The following POC1A variants were observed in gnomAD, a reference collection of about 807,000 sequenced individuals.
POC1A encodes the protein POC1 centriolar protein A.
Under a neutral mutation model 47.8 loss-of-function variants are expected in POC1A, and 34 were observed. The ratio of observed to expected loss-of-function variants is 0.71; its 90% confidence interval spans 0.54 to 0.95. The LOEUF (loss-of-function observed/expected upper bound fraction) is 0.95, where lower values mean the gene tolerates loss of function less well. Ranked by LOEUF, POC1A falls within the 40% of genes least tolerant of loss-of-function variation. The pLI is 0.00. For synonymous variants in POC1A, 177 were observed against 207.6 expected, an observed-to-expected ratio of 0.85 and a Z score of 1.27; for missense variants, 466 against 528.3, an observed-to-expected ratio of 0.88 and a Z score of 1.16.
At chr3:52,080,664 C>T (rs1409942858) in intron 10 of POC1A, among the ~76,000 whole-genome samples, 4 of 152,256 alleles carry the variant, frequency 2.6e-5, no homozygotes, top group Admixed American at 6.5e-5. Flanking sequence ...ACAAGAACCT[C>T]CTCCTGGATG....
chr3:52,148,285 G>A (rs372350459), intron 4 of POC1A, among the ~76,000 whole-genome samples: 95 of 152,310 alleles, frequency 6.2e-4, no homozygotes, highest in African/African-American at 2.2e-3. Context: ...CTGATCTCAG[G>A]ACCCTAGTCA....
rs745977339 is a variant in POC1A, at chr3:52,147,020, C to T, written c.531G>A (p.Arg177=). ...KTVKLWDKSS[R]ECVHSYCEHG... Reference sequence around the variant, plus strand: ...GCTCACAATACGAGTGGACACATTCCCGGCTGCTCTTGTCCCACAGCTTAA... The same window carrying T: ...GCTCACAATACGAGTGGACACATTCTCGGCTGCTCTTGTCCCACAGCTTAA... Residue 177 remains arginine, a synonymous_variant, in exon 5 of 11, where the codon CGG becomes CGA. Transcript: ENST00000296484. 3 of 1,614,034 alleles carry T rather than the reference C, an allele frequency of 1.9e-6. No homozygotes were observed. Among genetic ancestry groups the T allele is most frequent in the African/African-American group, 2.7e-5 (2 of 74,926 alleles).
chr3:52,095,899 G>A (rs1422732160), intron 10 of POC1A, among the ~76,000 whole-genome samples: 2 of 152,228 alleles, frequency 1.3e-5, no homozygotes, highest in South Asian at 2.1e-4. Flanking sequence ...GCTACACTAC[G>A]AGCCTGTGTT....
chr3:52,100,307 C>T (rs1437649843), intron 9 of POC1A, among the ~76,000 whole-genome samples: 2 of 152,218 alleles, frequency 1.3e-5, no homozygotes, highest in Non-Finnish European at 2.9e-5. Context: ...CTGGAGTTGA[C>T]TTCTTGAGAG....
At chr3:52,129,455 G>C (rs1216681566) in intron 7 of POC1A, among the ~76,000 whole-genome samples, 1 of 152,186 alleles carries the variant, frequency 6.6e-6, no homozygotes, top group Non-Finnish European at 1.5e-5. Context: ...ACTTGGGGCA[G>C]GGATATTGCC....
At chr3:52,123,833 T>G (rs1381500897) in intron 8 of POC1A, among the ~76,000 whole-genome samples, 2 of 152,252 alleles carry the variant, frequency 1.3e-5, no homozygotes. Context: ...CTATGTCATT[T>G]GATTCTACCA....
At position 52,075,732 on chromosome 3, in the gene POC1A, T is replaced by A. The variant is rs1449672988; in HGVS notation, c.*155A>T. On this transcript the variant is annotated 3_prime_UTR_variant, in exon 11 of 11. Transcript: ENST00000296484. ...CAGGTGGAGAGCCTCCTGGTGCAGA[T>A]AGCAAGGTGGAGGGCAGAACTGCAA... 4.0e-5 allele frequency: 26 copies of A among 645,764 alleles called. No homozygotes were observed. The highest frequency in any genetic ancestry group is 7.1e-5 in the Non-Finnish European group (25 of 350,472). 40.0% of individuals were successfully genotyped at this position (645,764 alleles called of 1,614,324 possible).
At chr3:52,124,819 CA>C (rs1703934490) in intron 8 of POC1A, among the ~76,000 whole-genome samples, 1 of 152,076 alleles carries the variant, frequency 6.6e-6, no homozygotes, top group Non-Finnish European at 1.5e-5. Context: ...ACTAAAAAAC[CA>C]ACTTTTCACG....
intron 10 of POC1A, among the ~76,000 whole-genome samples, chr3:52,082,032 C>T (rs557767205): frequency 2.0e-5 from 3 of 152,142 alleles, no homozygotes; most frequent in Admixed American, 2.0e-4. Context: ...ATTACACAGG[C>T]TGAGTATGAG....
At chr3:52,110,438 G>A (rs554138797) in intron 9 of POC1A, among the ~76,000 whole-genome samples, 1 of 152,276 alleles carries the variant, frequency 6.6e-6, no homozygotes, top group Non-Finnish European at 1.5e-5. Context: ...TTAAGCGACA[G>A]GTTTATTTCT....
chr3:52,119,313 G>A lies in POC1A; in HGVS notation c.981+3066C>T, dbSNP rs79648816. On this transcript the variant is annotated intron_variant, in intron 9 of 10. Transcript: ENST00000296484. ...GGTCAGCTTCTTTTCTGGGCTCCCC[G>A]CTGAGGCAAGACTTATTGCAGTGAT... Among the ~76,000 whole-genome samples, 1,081 of 151,970 alleles carry A rather than the reference G, an allele frequency of 7.1e-3. 34 individuals are homozygous for A. Among genetic ancestry groups the A allele is most frequent in the Admixed American group, 0.064 (972 of 15,266 alleles).
At chr3:52,122,146 G>A (rs1057168916) in intron 9 of POC1A, among the ~76,000 whole-genome samples, 1 of 152,186 alleles carries the variant, frequency 6.6e-6, no homozygotes, top group African/African-American at 2.4e-5. Context: ...CACAGGCCTG[G>A]GGCACCCGGC....
chr3:52,151,120 A>C lies in POC1A; in HGVS notation c.19-20T>G. ...GTCCTCCTGAGAGAGAGCCAGGGTC[A>C]AATGTGTGAAGCCTGGGTGAGGAAG... On this transcript the variant is annotated intron_variant, in intron 1 of 10. Transcript: ENST00000296484. The C allele has an allele frequency of 6.2e-7, 1 of 1,613,032 alleles. No individual in the cohort carries two copies. Among genetic ancestry groups the C allele is most frequent in the Non-Finnish European group, 8.5e-7 (1 of 1,179,406 alleles).
chr3:52,083,389 C>T lies in POC1A; in HGVS notation c.1126-7404G>A, dbSNP rs1702362455. On this transcript the variant is annotated intron_variant, in intron 10 of 10. Transcript: ENST00000296484. ...CTGCACCTCACACCCCGTGGAGTGACGTACAGTCCCTCATGCCCACTTTCT... is the reference window on the plus strand; with the variant it reads ...CTGCACCTCACACCCCGTGGAGTGATGTACAGTCCCTCATGCCCACTTTCT... 2.0e-5 allele frequency among the ~76,000 whole-genome samples: 3 copies of T among 152,110 alleles called. No homozygotes were observed. The South Asian group carries it at 6.2e-4, about 32-fold the overall frequency.
At chr3:52,103,567 T>C (rs779387941) in intron 9 of POC1A, among the ~76,000 whole-genome samples, 1 of 152,120 alleles carries the variant, frequency 6.6e-6, no homozygotes, top group East Asian at 1.9e-4. Flanking sequence ...CCTAAAACTA[T>C]AAAACTGATA....
At chr3:52,142,572 C>T (rs1453130773) in intron 6 of POC1A, among the ~76,000 whole-genome samples, 1 of 152,196 alleles carries the variant, frequency 6.6e-6, no homozygotes, top group Non-Finnish European at 1.5e-5. Context: ...GCTAGCCACA[C>T]ACTGCAGTAT....
rs146285042 is a variant in POC1A at position 52,101,090 on chromosome 3, C to CAA, written c.982-4380_982-4379dup. Among the ~76,000 whole-genome samples, 54 of 56,964 alleles carry CAA rather than the reference C, an allele frequency of 9.5e-4. 1 individual carries two copies. Among genetic ancestry groups the CAA allele is most frequent in the East Asian group, 2.0e-3 (4 of 2,050 alleles). The allele number at this position is 56,964 out of a possible 152,430, so 37.4% of individuals were successfully genotyped here. A position where few individuals can be genotyped will look rare whatever the true frequency, so the allele number is the denominator to read the frequency against. ...CAACAGGGCCCACCCCAACCCTCAG[C>CAA]AAAAAAAAAAAAAAAAAAAATATCA... On this transcript the variant is annotated intron_variant, in intron 9 of 10. Coordinates refer to ENST00000296484, the MANE Select transcript of POC1A (RefSeq NM_015426.5).
chr3:52,135,998 CT>C (rs1704445048), intron 7 of POC1A, among the ~76,000 whole-genome samples: 1 of 151,796 alleles, frequency 6.6e-6, no homozygotes. Flanking sequence ...GAGAATCAGC[CT>C]CTAGAAAGGA....
chr3:52,151,112 C>A lies in POC1A; in HGVS notation c.19-12G>T. The A allele has an allele frequency of 6.2e-7, 1 of 1,613,218 alleles. No homozygotes were observed. The highest frequency in any genetic ancestry group is 8.5e-7 in the Non-Finnish European group (1 of 1,179,504). ...AGCGAGGGGTCCTCCTGAGAGAGAG[C>A]CAGGGTCAAATGTGTGAAGCCTGGG... On this transcript the variant is annotated splice_polypyrimidine_tract_variant and intron_variant, in intron 1 of 10. Coordinates refer to ENST00000296484, the MANE Select transcript of POC1A (RefSeq NM_015426.5).
Sources: allele counts gnomAD v4.1 joint callset (sites outside exome capture counted in the v4.1 genomes callset), GRCh38; gene constraint gnomAD v4.1.1; transcripts MANE v1.5; gene names NCBI Gene and HGNC (gene_info 2026-07-23, HGNC 2026-07-21).